CDK17: variants seen among roughly 807,000 people sequenced by gnomAD.
The protein encoded by CDK17 is cyclin-dependent kinase 17.
A neutral mutation model predicts 77.6 loss-of-function variants in CDK17; 24 were observed. The observed-to-expected ratio is 0.31, with a 90% CI of 0.22 to 0.44. CDK17 has a LOEUF of 0.44. Ranked by LOEUF, CDK17 falls within the 20% of genes least tolerant of loss-of-function variation. The probability of loss-of-function intolerance (pLI) is 1.00; values close to 1 mark genes in which losing one functional copy is unlikely to be tolerated. For synonymous variants in CDK17, 203 were observed against 210.4 expected (o/e 0.96, Z 0.30); for missense variants, 429 against 622.5 (o/e 0.69, Z 3.31).
intron 4 of CDK17, among the ~76,000 whole-genome samples, chr12:96,311,438 A>C (rs1188622462): frequency 2.0e-5 from 3 of 151,216 alleles, no homozygotes; most frequent in African/African-American, 7.3e-5. Flanking sequence ...ATTCAACTTG[A>C]AATTTACTTT....
intron 1 of CDK17, among the ~76,000 whole-genome samples, chr12:96,342,163 C>A (rs1953131784): frequency 6.6e-6 from 1 of 152,092 alleles, no homozygotes; most frequent in African/African-American, 2.4e-5. Flanking sequence ...AGATTTATTT[C>A]TTCATAACAT....
intron 1 of CDK17, among the ~76,000 whole-genome samples, chr12:96,335,842 G>C (rs1055664174): frequency 6.6e-6 from 1 of 152,004 alleles, no homozygotes; most frequent in Non-Finnish European, 1.5e-5. Flanking sequence ...TTTCTAACTT[G>C]GTATTTCTAT....
chr12:96,386,468 G>C (rs1456286551), intron 1 of CDK17, among the ~76,000 whole-genome samples: 1 of 152,062 alleles, frequency 6.6e-6, no homozygotes, highest in Non-Finnish European at 1.5e-5. Context: ...GCAAAATATA[G>C]TGAAACCTCA....
chr12:96,395,246 A>G (rs1161799930), intron 1 of CDK17, among the ~76,000 whole-genome samples: 1 of 152,214 alleles, frequency 6.6e-6, no homozygotes, highest in Admixed American at 6.5e-5. Flanking sequence ...TACCTTACAT[A>G]TTTTATATAC....
intron 1 of CDK17, among the ~76,000 whole-genome samples, chr12:96,347,529 G>A (rs1175273260): frequency 6.8e-6 from 1 of 146,446 alleles, no homozygotes; most frequent in African/African-American, 2.5e-5. Context: ...TCACACTCCA[G>A]CCTGGACGAC....
intron 5 of CDK17, among the ~76,000 whole-genome samples, chr12:96,307,033 C>A (rs927659639): frequency 1.3e-5 from 2 of 152,060 alleles, no homozygotes; most frequent in Admixed American, 1.3e-4. Context: ...CAGGGGCTCA[C>A]GCCTGTAATC....
At chr12:96,365,527 C>T (rs952289298) in intron 1 of CDK17, among the ~76,000 whole-genome samples, 2 of 151,980 alleles carry the variant, frequency 1.3e-5, no homozygotes, top group Non-Finnish European at 2.9e-5. Flanking sequence ...ACACAAAATG[C>T]CTTTCCTTTC....
intron 1 of CDK17, among the ~76,000 whole-genome samples, chr12:96,374,024 T>A (rs1953739280): frequency 6.6e-6 from 1 of 152,218 alleles, no homozygotes; most frequent in African/African-American, 2.4e-5. Flanking sequence ...TAGCACACAG[T>A]AAGCATTTAA....
intron 1 of CDK17, chr12:96,386,987 G>C (rs1051064873): frequency 3.3e-6 from 1 of 305,102 alleles, no homozygotes; most frequent in African/African-American, 2.3e-5. Context: ...GAGGTAAACT[G>C]TCTGGTAGAG....
At chr12:96,376,497 T>C (rs1953784880) in intron 1 of CDK17, among the ~76,000 whole-genome samples, 1 of 152,222 alleles carries the variant, frequency 6.6e-6, no homozygotes, top group Non-Finnish European at 1.5e-5. Context: ...CAGATAATTT[T>C]TGGTGGTATT....
Position 96,280,805 on chromosome 12 carries a change from C to T in CDK17, c.1534+3G>A, listed in dbSNP as rs1180137355. 4 of 1,613,816 alleles carry T rather than the reference C, an allele frequency of 2.5e-6. No individual in the cohort carries two copies. The South Asian group carries it at 4.4e-5, about 18-fold the overall frequency. On this transcript the variant is annotated splice_donor_region_variant and intron_variant, in intron 16 of 16. Coordinates refer to ENST00000261211, the MANE Select transcript of CDK17 (RefSeq NM_002595.5). ...CACGTGAAATGGTTTATGACAAACA[C>T]ACCTGTCTCTGGATAAGAAGAATTT...
chr12:96,326,899 A>G (rs1470155840), intron 2 of CDK17, among the ~76,000 whole-genome samples: 1 of 152,212 alleles, frequency 6.6e-6, no homozygotes, highest in East Asian at 1.9e-4. Context: ...TTTGAATTTT[A>G]TTCTCAGATT....
intron 1 of CDK17, among the ~76,000 whole-genome samples, chr12:96,377,694 C>CT (rs1565842595): frequency 2.5e-5 from 3 of 121,358 alleles, no homozygotes; most frequent in Non-Finnish European, 3.5e-5. Context: ...TTTTTTTTTT[C>CT]GTTTTTTTTT....
intron 1 of CDK17, among the ~76,000 whole-genome samples, chr12:96,377,039 TTTTAC>T (rs1953791264): frequency 6.6e-6 from 1 of 152,194 alleles, no homozygotes; most frequent in Non-Finnish European, 1.5e-5. Context: ...TAAGTATTTC[TTTTAC>T]TATAAGTCAT....
At chr12:96,300,799 G>A (rs966436700) in intron 5 of CDK17, among the ~76,000 whole-genome samples, 11 of 152,114 alleles carry the variant, frequency 7.2e-5, no homozygotes, top group Non-Finnish European at 1.3e-4. Context: ...ATAATCAAAT[G>A]GTTGAATATC....
chr12:96,378,047 A>C (rs1953815389), intron 1 of CDK17, among the ~76,000 whole-genome samples: 1 of 152,180 alleles, frequency 6.6e-6, no homozygotes, highest in Non-Finnish European at 1.5e-5. Flanking sequence ...TTACAGAAAA[A>C]TAGTAAAGAG....
At position 96,279,735 on chromosome 12, in the gene CDK17, A is replaced by C. The variant is rs1403570304; in HGVS notation, c.*507T>G. On this transcript the variant is annotated 3_prime_UTR_variant, in exon 17 of 17. Transcript: ENST00000261211. ...AAACTTAAAGTGTTCAAGATGGCTC[A>C]CTTATTTTACTATTAAGCAAAGCTA... 6.5e-6 allele frequency: 1 copy of C among 152,774 alleles called. No homozygotes were observed. The highest frequency in any genetic ancestry group is 1.5e-5 in the Non-Finnish European group (1 of 68,130). 9.5% of individuals were successfully genotyped at this position (152,774 alleles called of 1,614,324 possible).
intron 3 of CDK17, among the ~76,000 whole-genome samples, chr12:96,319,113 G>T (rs1952776116): frequency 6.8e-6 from 1 of 145,986 alleles, no homozygotes; most frequent in Non-Finnish European, 1.5e-5. Flanking sequence ...ATGATAAAGG[G>T]GATATCACCA....
chr12:96,392,317 GT>G (rs1360664870), intron 1 of CDK17, among the ~76,000 whole-genome samples: 1 of 152,102 alleles, frequency 6.6e-6, no homozygotes, highest in Non-Finnish European at 1.5e-5. Flanking sequence ...CTACCATAGT[GT>G]CTAGTACAGA....
Sources: allele counts gnomAD v4.1 joint callset (sites outside exome capture counted in the v4.1 genomes callset), GRCh38; gene constraint gnomAD v4.1.1; transcripts MANE v1.5; gene names NCBI Gene and HGNC (gene_info 2026-07-23, HGNC 2026-07-21).